SYNE3: variants seen among roughly 807,000 people sequenced by gnomAD.
SYNE3 encodes nesprin-3.
Under a neutral mutation model 111.2 loss-of-function variants are expected in SYNE3, and 100 were observed. The observed-to-expected ratio is 0.90, with a 90% CI of 0.77 to 1.06. The LOEUF is 1.06. Among genes scored for constraint, SYNE3 ranks in the 50% least tolerant of loss-of-function variants. The pLI, the probability that SYNE3 is intolerant of heterozygous loss-of-function variation, is 0.00. For missense variants in SYNE3, 1,160 were observed against 1,240.3 expected (o/e 0.94, Z 0.97); for synonymous variants, 547 against 533.9 (o/e 1.02, Z -0.34).
intron 4 of SYNE3, among the ~76,000 whole-genome samples, chr14:95,460,410 G>A (rs926801329): frequency 1.1e-4 from 16 of 147,302 alleles, no homozygotes; most frequent in East Asian, 4.0e-4. Context: ...TAGAAGAGAC[G>A]GGGTTTCACC....
At chr14:95,461,087 C>A (rs550673032) in intron 4 of SYNE3, among the ~76,000 whole-genome samples, 1 of 152,200 alleles carries the variant, frequency 6.6e-6, no homozygotes, top group Non-Finnish European at 1.5e-5. Flanking sequence ...GGGTGACAAA[C>A]GGGAAGGTGC....
At chr14:95,459,907 G>C (rs1051293016) in intron 4 of SYNE3, among the ~76,000 whole-genome samples, 2 of 148,832 alleles carry the variant, frequency 1.3e-5, no homozygotes, top group Non-Finnish European at 2.9e-5. Context: ...AGACCAGCCT[G>C]AGAAACACAG....
intron 15 of SYNE3, 148 bp downstream of exon 15, chr14:95,436,672 C>T (rs1886101139): frequency 1.9e-5 from 17 of 917,450 alleles, no homozygotes; most frequent in South Asian, 3.8e-5. Flanking sequence ...AATCTTTGAA[C>T]CAAAAAAGTT....
At chr14:95,420,236 G>A (rs1409725473) in intron 17 of SYNE3, among the ~76,000 whole-genome samples, 5 of 152,120 alleles carry the variant, frequency 3.3e-5, no homozygotes, top group African/African-American at 1.2e-4. Flanking sequence ...GCGGCTGAAT[G>A]AGTGTGAGTT....
intron 2 of SYNE3, among the ~76,000 whole-genome samples, chr14:95,469,531 CAAAAAA>C (rs71132350): frequency 7.4e-4 from 74 of 99,458 alleles, no homozygotes; most frequent in African/African-American, 2.3e-3. Flanking sequence ...CATGTCTCTA[CAAAAAA>C]AAAAAAAAAA....
In SYNE3 at chr14:95,409,597, C is replaced by T. The variant is rs1350990399; in HGVS notation, c.*8229G>A. 1 of 362,830 alleles carries T rather than the reference C, an allele frequency of 2.8e-6. No homozygotes were observed. Among genetic ancestry groups the T allele is most frequent in the Non-Finnish European group, 5.4e-6 (1 of 183,612 alleles). The allele number at this position is 362,830 out of a possible 1,614,324, so 22.5% of individuals were successfully genotyped here. A position where few individuals can be genotyped will look rare whatever the true frequency, so the allele number is the denominator to read the frequency against. On this transcript the variant is annotated 3_prime_UTR_variant, in exon 18 of 18. Coordinates refer to ENST00000682763, the MANE Select transcript of SYNE3 (RefSeq NM_152592.6). ...AGCAGGTGCTGGGAGATGCTGAGTC[C>T]TGCTGACTGTGCTTTAAGGCCCTGA...
intron 1 of SYNE3, among the ~76,000 whole-genome samples, chr14:95,477,153 T>C (rs1417211315): frequency 6.6e-6 from 1 of 152,196 alleles, no homozygotes; most frequent in Non-Finnish European, 1.5e-5. Flanking sequence ...TTCCAGAACT[T>C]TGGGAGGCTT....
At chr14:95,423,061 C>T (rs72692750) in intron 17 of SYNE3, among the ~76,000 whole-genome samples, 8,154 of 152,314 alleles carry the variant, frequency 0.054, 327 homozygotes, top group Non-Finnish European at 0.085. Flanking sequence ...ATTTCCCACA[C>T]GTGGACACGA....
intron 17 of SYNE3, among the ~76,000 whole-genome samples, chr14:95,419,002 G>C (rs1420122650): frequency 1.3e-5 from 2 of 151,942 alleles, no homozygotes; most frequent in Non-Finnish European, 2.9e-5. Flanking sequence ...ATTGCCATCA[G>C]TATCACATGA....
At chr14:95,473,447 G>A (rs2139502680) in intron 2 of SYNE3, among the ~76,000 whole-genome samples, 1 of 152,206 alleles carries the variant, frequency 6.6e-6, no homozygotes, top group South Asian at 2.1e-4. Context: ...TCAGGAGCTG[G>A]GGCTGAGAAA....
chr14:95,446,773 G>A (rs10138165), intron 8 of SYNE3, among the ~76,000 whole-genome samples: 53,115 of 151,868 alleles, frequency 0.35, 9,636 homozygotes, highest in South Asian at 0.48. Flanking sequence ...CATATAGCCC[G>A]AACTCTGCGC....
intron 2 of SYNE3, among the ~76,000 whole-genome samples, chr14:95,475,466 C>T (rs1298603995): frequency 6.6e-6 from 1 of 152,262 alleles, no homozygotes; most frequent in Non-Finnish European, 1.5e-5. Flanking sequence ...TCACCTGGAA[C>T]TTGTCAAAAG....
chr14:95,432,150 G>A (rs1187747), intron 16 of SYNE3, 33 bp from the exon 17 acceptor site: 1,120,377 of 1,587,312 alleles, frequency 0.71, 398,681 homozygotes, highest in Non-Finnish European at 0.73. Flanking sequence ...GAAAAGGGGG[G>A]AAAAAAATAA....
intron 16 of SYNE3, 96 bp downstream of exon 16, chr14:95,433,164 G>A (rs1042368787): frequency 6.6e-7 from 1 of 1,507,954 alleles, no homozygotes; most frequent in Non-Finnish European, 9.0e-7. Context: ...GCACAGGGCA[G>A]GGTGGATGCA....
rs572113015 is a variant in SYNE3, at chr14:95,452,270, G to A, written c.1251C>T (p.Ile417=). The A allele has an allele frequency of 2.4e-5, 39 of 1,612,224 alleles. No homozygotes were observed. The highest frequency in any genetic ancestry group is 2.2e-4 in the South Asian group (20 of 90,828). Reference sequence around the variant, plus strand: ...ACCTCTGATACTCCTGGATGGTAGCGATGACACTATCAGAGAGTGGCTTCA... The same window carrying A: ...ACCTCTGATACTCCTGGATGGTAGCAATGACACTATCAGAGAGTGGCTTCA... The part of the protein sequence containing the change: ...HNLKPLSDSV[I]ATIQEYQSLK... Residue 417 remains isoleucine (I), a synonymous_variant, in exon 7 of 18, where the codon ATC becomes ATT. Transcript: ENST00000682763.
In SYNE3 at chr14:95,472,829, G is replaced by C. The variant is rs924507643; in HGVS notation, c.144+2849C>G. ...CCTTAACCCCTCGGGAACACAAGGG[G>C]TGAGGGGGTTCATTCCTGCTCTACA... On this transcript the variant is annotated intron_variant, in intron 2 of 17. Coordinates refer to ENST00000682763, the MANE Select transcript of SYNE3 (RefSeq NM_152592.6). Among the ~76,000 whole-genome samples the C allele has an allele frequency of 1.1e-4, 17 of 152,312 alleles. 1 individual carries two copies. Among genetic ancestry groups the C allele is most frequent in the Middle Eastern group, 6.8e-3 (2 of 294 alleles).
At chr14:95,446,201 T>C (rs777729025) in intron 8 of SYNE3, 110 bp from the exon 9 acceptor site, 3 of 1,308,780 alleles carry the variant, frequency 2.3e-6, no homozygotes, top group Non-Finnish European at 3.2e-6. Flanking sequence ...CTCACCTTTG[T>C]GCAGGTGTCT....
chr14:95,498,130 T>A (rs72692801), intron 1 of SYNE3, among the ~76,000 whole-genome samples: 31,009 of 151,838 alleles, frequency 0.2, 3,512 homozygotes, highest in African/African-American at 0.29. Context: ...CAATTTTTTT[T>A]AAAAAAATTA....
In SYNE3 at chr14:95,455,662, C is replaced by T. The variant is rs147579494; in HGVS notation, c.852G>A (p.Ala284=). 85 of 1,614,196 alleles carry T rather than the reference C, an allele frequency of 5.3e-5. No homozygotes were observed. Among genetic ancestry groups the T allele is most frequent in the East Asian group, 8.9e-5 (4 of 44,886 alleles). Residue 284 remains alanine (A), a synonymous_variant, in exon 6 of 18, where the codon GCG becomes GCA. Coordinates refer to ENST00000682763, the MANE Select transcript of SYNE3 (RefSeq NM_152592.6). ...AAGGAGAGGTGTTCCGAATGACACC[C>T]GCAGACTGCTCCTCCAGCGTCTCCA... is the stretch of plus-strand genomic sequence containing the variant. ...ESLETLEEQS[A]GVIRNTSPLG...
Sources: allele counts gnomAD v4.1 joint callset (sites outside exome capture counted in the v4.1 genomes callset), GRCh38; gene constraint gnomAD v4.1.1; transcripts MANE v1.5; gene names NCBI Gene and HGNC (gene_info 2026-07-23, HGNC 2026-07-21).